The following ATE1 variants were observed in gnomAD, a reference collection of about 807,000 sequenced individuals.
The protein encoded by ATE1 is arginyltransferase 1, also known as arginyl-tRNA--protein transferase 1.
ATE1 carries 36 observed loss-of-function variants against 70.5 expected under a neutral mutation model. The observed-to-expected ratio is 0.51, with a 90% CI of 0.39 to 0.67. The LOEUF (loss-of-function observed/expected upper bound fraction) is 0.67, where lower values mean the gene tolerates loss of function less well. Among genes scored for constraint, ATE1 ranks in the 30% least tolerant of loss-of-function variants. The probability of loss-of-function intolerance (pLI) is 0.00; values close to 1 mark genes in which losing one functional copy is unlikely to be tolerated. For synonymous variants in ATE1, 232 were observed against 219.3 expected (o/e 1.06, Z -0.51); for missense variants, 593 against 629.5 (o/e 0.94, Z 0.62).
chr10:121,922,471 C>T (rs112378279), intron 2 of ATE1, 60 bp from the exon 3 acceptor site: 6 of 1,004,956 alleles, frequency 6.0e-6, no homozygotes, highest in African/African-American at 4.9e-5. Flanking sequence ...ACCAAAACAG[C>T]CTAGCACAGG....
At chr10:121,899,782 C>A in intron 7 of ATE1, 84 bp downstream of exon 7, 1 of 1,521,104 alleles carries the variant, frequency 6.6e-7, no homozygotes, top group Non-Finnish European at 8.9e-7. Flanking sequence ...AAATGTAGCA[C>A]AAATAAACCA....
At chr10:121,886,962 G>GA (rs1035993779) in intron 7 of ATE1, among the ~76,000 whole-genome samples, 2 of 151,180 alleles carry the variant, frequency 1.3e-5, no homozygotes, top group African/African-American at 4.9e-5. Context: ...CCATTAAGAG[G>GA]AAAAAAAATA....
intron 8 of ATE1, among the ~76,000 whole-genome samples, chr10:121,853,101 G>C (rs1176206739): frequency 6.6e-6 from 1 of 152,066 alleles, no homozygotes; most frequent in Non-Finnish European, 1.5e-5. Flanking sequence ...TGAAGAGGCT[G>C]GGTGCGGTGG....
At chr10:121,894,072 G>A (rs1950677332) in intron 7 of ATE1, among the ~76,000 whole-genome samples, 1 of 151,498 alleles carries the variant, frequency 6.6e-6, no homozygotes, top group South Asian at 2.1e-4. Context: ...GGGAGGCGGA[G>A]GTTGCAGTGA....
chr10:121,859,578 T>C (rs1001592842), intron 8 of ATE1, among the ~76,000 whole-genome samples: 5 of 152,190 alleles, frequency 3.3e-5, no homozygotes, highest in African/African-American at 1.2e-4. Context: ...GTAATTAATA[T>C]GATGGTTCAG....
chr10:121,789,107 A>AG (rs1946327846), intron 11 of ATE1, among the ~76,000 whole-genome samples: 2 of 152,142 alleles, frequency 1.3e-5, no homozygotes, highest in Non-Finnish European at 2.9e-5. Context: ...AAACAGTAAT[A>AG]GGGGGCTGTT....
At chr10:121,783,409 G>T (rs922163840) in intron 11 of ATE1, among the ~76,000 whole-genome samples, 9 of 152,194 alleles carry the variant, frequency 5.9e-5, no homozygotes, top group African/African-American at 2.2e-4. Flanking sequence ...GCTTTGCTAG[G>T]TATTATAGTG....
intron 3 of ATE1, among the ~76,000 whole-genome samples, chr10:121,915,222 TAAAC>T (rs1951599955): frequency 6.6e-6 from 1 of 152,028 alleles, no homozygotes; most frequent in Non-Finnish European, 1.5e-5. Flanking sequence ...TGTTATTAAA[TAAAC>T]AAATAAGAGT....
rs1948542237 is a variant in ATE1, at chr10:121,839,280, C to T, written c.1157+1802G>A. 2.0e-5 allele frequency among the ~76,000 whole-genome samples: 3 copies of T among 152,094 alleles called. No homozygotes were observed. The South Asian group carries it at 6.2e-4, about 32-fold the overall frequency. On this transcript the variant is annotated intron_variant, in intron 9 of 11. Coordinates refer to ENST00000224652, the MANE Select transcript of ATE1 (RefSeq NM_001001976.3). Reference sequence around the variant, plus strand: ...ATTTTGCTGGGAATTAATTATTTACCATATCAATATCTAAACTATCACTCA... The same window carrying T: ...ATTTTGCTGGGAATTAATTATTTACTATATCAATATCTAAACTATCACTCA...
intron 4 of ATE1, among the ~76,000 whole-genome samples, chr10:121,911,903 T>C (rs1951451827): frequency 1.3e-5 from 2 of 152,066 alleles, no homozygotes; most frequent in Admixed American, 6.6e-5. Flanking sequence ...CCCACCACCA[T>C]GCCCAGTTAA....
intron 7 of ATE1, among the ~76,000 whole-genome samples, chr10:121,896,823 CAAAAAAAAAAAA>C (rs869156572): frequency 0.073 from 2,071 of 28,346 alleles, 66 homozygotes; most frequent in Middle Eastern, 0.21. Context: ...GACTTTGTCT[CAAAAAAAAAAAA>C]AAAAAAAAAA....
intron 7 of ATE1, among the ~76,000 whole-genome samples, chr10:121,883,626 C>A (rs1950291651): frequency 6.6e-6 from 1 of 152,140 alleles, no homozygotes; most frequent in Admixed American, 6.5e-5. Context: ...AGGAAGAACA[C>A]AAGACATTTT....
intron 7 of ATE1, among the ~76,000 whole-genome samples, chr10:121,881,065 G>A (rs891850431): frequency 1.3e-5 from 2 of 152,148 alleles, no homozygotes; most frequent in African/African-American, 4.8e-5. Flanking sequence ...TATTATAGTA[G>A]AACAACTGTC....
intron 10 of ATE1, among the ~76,000 whole-genome samples, chr10:121,807,694 G>C (rs940998427): frequency 6.6e-6 from 1 of 152,138 alleles, no homozygotes; most frequent in Non-Finnish European, 1.5e-5. Flanking sequence ...CAAAAGAGTG[G>C]GTGAGTGGCA....
At chr10:121,894,626 G>A (rs1041190403) in intron 7 of ATE1, among the ~76,000 whole-genome samples, 4 of 152,094 alleles carry the variant, frequency 2.6e-5, no homozygotes, top group African/African-American at 4.8e-5. Flanking sequence ...GGTGCCGGGT[G>A]TGGGAGCTCA....
Position 121,924,244 on chromosome 10 carries a change from T to G in ATE1, c.170+22A>C, listed in dbSNP as rs114827841. 877 of 1,608,832 alleles carry G rather than the reference T, an allele frequency of 5.5e-4. 6 individuals are homozygous for G. In the African/African-American group the frequency reaches 0.011, roughly 19 times the overall value. Reference sequence around the variant, plus strand: ...AGAACCTGAGTAACAGTAGGAAGTCTCTTTGTATCTGGAAGCTTTACCTTC... The same window carrying G: ...AGAACCTGAGTAACAGTAGGAAGTCGCTTTGTATCTGGAAGCTTTACCTTC... On this transcript the variant is annotated intron_variant, in intron 2 of 11. Transcript: ENST00000224652.
intron 11 of ATE1, among the ~76,000 whole-genome samples, chr10:121,753,345 A>G (rs933140257): frequency 1.3e-5 from 2 of 152,212 alleles, no homozygotes; most frequent in Non-Finnish European, 2.9e-5. Context: ...TAATATTTCA[A>G]AGGAAAAAAA....
intron 11 of ATE1, among the ~76,000 whole-genome samples, chr10:121,757,843 T>C (rs770567882): frequency 4.6e-5 from 7 of 152,248 alleles, no homozygotes; most frequent in Non-Finnish European, 1.0e-4. Context: ...TGCTAAACTG[T>C]GTTCTTCACC....
intron 1 of ATE1, chr10:121,927,094 C>T: frequency 1.0e-6 from 1 of 985,294 alleles, no homozygotes; most frequent in Non-Finnish European, 1.2e-6. Flanking sequence ...TCTATATTGG[C>T]AAATGCATGG....
Sources: allele counts gnomAD v4.1 joint callset (sites outside exome capture counted in the v4.1 genomes callset), GRCh38; gene constraint gnomAD v4.1.1; transcripts MANE v1.5; gene names NCBI Gene and HGNC (gene_info 2026-07-23, HGNC 2026-07-21).